MAPKAPK5: variants seen among roughly 807,000 people sequenced by gnomAD.
The protein encoded by MAPKAPK5 is MAP kinase-activated protein kinase 5.
In MAPKAPK5, 30 loss-of-function variants were observed where a neutral mutation model predicts 65.1. That is an observed-to-expected ratio of 0.46 (90% CI 0.34 to 0.63). The LOEUF is 0.63. MAPKAPK5 is among the 20% of genes least tolerant of loss of function. The pLI is 0.01. For missense variants in MAPKAPK5, 433 were observed against 581.4 expected (o/e 0.74, Z 2.63); for synonymous variants, 179 against 204.6 (o/e 0.87, Z 1.07).
Position 111,883,673 on chromosome 12 carries a change from A to G in MAPKAPK5, c.753A>G (p.Pro251=), listed in dbSNP as rs1279903808. ...CCAAACACCACAGCCGGACTATCCC[A>G]AAGGATATGCGAAGAAAGATCATGA... The part of the protein sequence containing the change: ...FYSKHHSRTI[P]KDMRRKIMTG... The change falls in exon 9 of 14, where the codon CCA becomes CCG. Residue 251 remains proline, a synonymous_variant. Transcript: ENST00000550735. This position sits in a 1 kb window ranked among gnomAD's most constrained non-coding sequence, Gnocchi z 4.8. 1 of 1,613,966 alleles carries G rather than the reference A, an allele frequency of 6.2e-7. No individual in the cohort carries two copies. Among genetic ancestry groups the G allele is most frequent in the East Asian group, 2.2e-5 (1 of 44,878 alleles).
intron 1 of MAPKAPK5, among the ~76,000 whole-genome samples, chr12:111,861,987 T>C (rs2069454334): frequency 6.6e-6 from 1 of 152,262 alleles, no homozygotes. Context: ...GTATATTTCT[T>C]AGCACAACCC....
At chr12:111,876,720 T>C (rs2069986212) in intron 7 of MAPKAPK5, among the ~76,000 whole-genome samples, 1 of 152,212 alleles carries the variant, frequency 6.6e-6, no homozygotes, top group South Asian at 2.1e-4. Flanking sequence ...TTCTGATCTT[T>C]TGTATTTTCA....
At chr12:111,879,483 G>T (rs150935173) in intron 7 of MAPKAPK5, 6 of 145,548 alleles carry the variant, frequency 4.1e-5, no homozygotes, top group African/African-American at 1.5e-4. Context: ...TCCACCTCCC[G>T]GGTTCAAGTG....
At chr12:111,882,427 C>T (rs1157634904) in intron 8 of MAPKAPK5, among the ~76,000 whole-genome samples, 1 of 152,118 alleles carries the variant, frequency 6.6e-6, no homozygotes. Flanking sequence ...CATTATTCAG[C>T]CTTTATGCAG....
chr12:111,863,060 A>T (rs2069494330), intron 1 of MAPKAPK5, among the ~76,000 whole-genome samples: 1 of 152,114 alleles, frequency 6.6e-6, no homozygotes, highest in African/African-American at 2.4e-5. Flanking sequence ...ATTGGGCAGT[A>T]CTTGTTCCTA....
intron 9 of MAPKAPK5, among the ~76,000 whole-genome samples, chr12:111,884,983 ACCATCTGTCTTGACATGCTATTTC>A (rs2070358629): frequency 6.6e-6 from 1 of 152,200 alleles, no homozygotes; most frequent in Non-Finnish European, 1.5e-5. Flanking sequence ...TGATTAAATC[ACCATCTGTCTTGACATGCTATTTC>A]CTTGCTGTAT....
chr12:111,885,631 A>G (rs2070374570), intron 9 of MAPKAPK5: 1 of 331,838 alleles, frequency 3.0e-6, no homozygotes, highest in South Asian at 6.5e-5. Context: ...ACTATAAGCC[A>G]TATGTAGGAT....
intron 1 of MAPKAPK5, among the ~76,000 whole-genome samples, chr12:111,851,139 C>A (rs1040530635): frequency 1.3e-5 from 2 of 152,174 alleles, no homozygotes; most frequent in African/African-American, 4.8e-5. Context: ...CTCAAGTGAT[C>A]CGCCTGCCTC....
chr12:111,858,540 CTTTTTTTT>C (rs60767498), intron 1 of MAPKAPK5, among the ~76,000 whole-genome samples: 12 of 126,748 alleles, frequency 9.5e-5, no homozygotes, highest in African/African-American at 3.4e-4. Flanking sequence ...TTGAGCACCT[CTTTTTTTT>C]TTTTTTTTTT....
At position 111,856,130 on chromosome 12, in the gene MAPKAPK5, C is replaced by T. The variant is rs569376503; in HGVS notation, c.37-9120C>T. 1.3e-4 allele frequency among the ~76,000 whole-genome samples: 20 copies of T among 152,154 alleles called. No individual in the cohort carries two copies. In the South Asian group the frequency reaches 2.3e-3, roughly 17 times the overall value. On this transcript the variant is annotated intron_variant, in intron 1 of 13. Transcript: ENST00000550735. ...TTGGCCTCCCAAAGTGCTGGGATTACAGGCGTGAGCCACTGTGTCCAGTCG... is the reference window on the plus strand; with the variant it reads ...TTGGCCTCCCAAAGTGCTGGGATTATAGGCGTGAGCCACTGTGTCCAGTCG...
chr12:111,849,729 A>C (rs2069012702), intron 1 of MAPKAPK5, among the ~76,000 whole-genome samples: 1 of 150,894 alleles, frequency 6.6e-6, no homozygotes, highest in Admixed American at 6.6e-5. Flanking sequence ...TTTTTCTTTT[A>C]TTTTGTTAGG....
chr12:111,892,917 C>A, intron 13 of MAPKAPK5, 50 bp from the exon 14 acceptor site: 1 of 1,361,202 alleles, frequency 7.3e-7, no homozygotes, highest in Non-Finnish European at 1.0e-6. Context: ...CAAGAGTCTG[C>A]CACCTCTCAA....
chr12:111,843,707 G>C (rs189563935), intron 1 of MAPKAPK5, among the ~76,000 whole-genome samples: 1 of 152,286 alleles, frequency 6.6e-6, no homozygotes, highest in South Asian at 2.1e-4. Context: ...AATTCTTTAG[G>C]TGGTGTATAT....
intron 7 of MAPKAPK5, among the ~76,000 whole-genome samples, chr12:111,873,216 TTC>T (rs1311750069): frequency 2.0e-5 from 3 of 152,198 alleles, no homozygotes; most frequent in Admixed American, 2.0e-4. Context: ...AGAGACCAGG[TTC>T]TTTTTTTCCC....
chr12:111,881,282 C>T (rs2070203033), intron 8 of MAPKAPK5, among the ~76,000 whole-genome samples: 2 of 152,044 alleles, frequency 1.3e-5, no homozygotes, highest in Non-Finnish European at 2.9e-5. Context: ...CCATGTTGGC[C>T]AAGCTGATCT....
At position 111,889,959 on chromosome 12, in the gene MAPKAPK5, C is replaced by T. The variant is rs2070548543; in HGVS notation, c.1217-81C>T. On this transcript the variant is annotated intron_variant, in intron 12 of 13. Coordinates refer to ENST00000550735, the MANE Select transcript of MAPKAPK5 (RefSeq NM_003668.4). ...AGTCAACATTTTTCAACCAGTTGGA[C>T]ATCACGTCCCTCCATCTCTCACACT... 7.2e-6 allele frequency: 6 copies of T among 834,484 alleles called. No homozygotes were observed. In the Admixed American group the frequency reaches 1.3e-4, roughly 17 times the overall value. 51.7% of individuals were successfully genotyped at this position (834,484 alleles called of 1,614,324 possible).
At chr12:111,845,110 A>G (rs150226340) in intron 1 of MAPKAPK5, among the ~76,000 whole-genome samples, 67 of 152,072 alleles carry the variant, frequency 4.4e-4, no homozygotes, top group Middle Eastern at 3.4e-3. Flanking sequence ...CTCTAGGTAG[A>G]CTCAGTTGAA....
chr12:111,869,729 G>C (rs1037429682), intron 5 of MAPKAPK5, among the ~76,000 whole-genome samples: 2 of 152,140 alleles, frequency 1.3e-5, no homozygotes, highest in Admixed American at 1.3e-4. Flanking sequence ...GATGAGCTCT[G>C]ATAATCTTCT....
chr12:111,888,547 G>T lies in MAPKAPK5; in HGVS notation c.1029G>T (p.Gln343His). ...HAEQLANMRI[Q>H]DLKVSLKPLH... ...AACAGTTGGCCAACATGAGAATCCAGGATCTGAAAGTCAGCCTCAAACCCC... is the reference window on the plus strand; with the variant it reads ...AACAGTTGGCCAACATGAGAATCCATGATCTGAAAGTCAGCCTCAAACCCC... Residue 343 changes from glutamine to histidine, a missense_variant, in exon 11 of 14, where the codon CAG becomes CAT. Physicochemically the swap from Gln to His is conservative, Grantham distance 24 (BLOSUM62 0). Transcript: ENST00000550735. 1 of 1,613,980 alleles carries T rather than the reference G, an allele frequency of 6.2e-7. No homozygotes were observed. Among genetic ancestry groups the T allele is most frequent in the East Asian group, 2.2e-5 (1 of 44,870 alleles).
Sources: gnomAD v4.1 joint callset for allele counts (sites outside exome capture counted in the v4.1 genomes callset) on GRCh38, gnomAD v4.1.1 for gene constraint, Gnocchi (gnomAD v3.1) non-coding constraint, MANE v1.5 for transcripts, NCBI Gene and HGNC (gene_info 2026-07-23, HGNC 2026-07-21) for gene names.